The following CNTNAP3B variants were observed in gnomAD, a reference collection of about 807,000 sequenced individuals.
CNTNAP3B encodes contactin-associated protein-like 3B.
CNTNAP3B carries 25 observed loss-of-function variants against 108.9 expected under a neutral mutation model. The observed-to-expected ratio is 0.23, with a 90% CI of 0.17 to 0.32. The LOEUF (loss-of-function observed/expected upper bound fraction) is 0.32. Ranked by LOEUF, CNTNAP3B falls within the 10% of genes least tolerant of loss-of-function variation. The pLI is 1.00. For missense variants in CNTNAP3B, 252 were observed against 1,210.4 expected (o/e 0.21, Z 11.75); for synonymous variants, 103 against 473.4 (o/e 0.22, Z 10.16).
At chr9:41,962,405 T>G (rs1182029574) in intron 11 of CNTNAP3B, among the ~76,000 whole-genome samples, 1 of 152,216 alleles carries the variant, frequency 6.6e-6, no homozygotes, top group Non-Finnish European at 1.5e-5. Context: ...AGTTATATTT[T>G]GATTGCAGTG....
intron 3 of CNTNAP3B, among the ~76,000 whole-genome samples, chr9:42,076,276 A>AAT (rs775231380): frequency 8.3e-6 from 1 of 121,050 alleles, no homozygotes; most frequent in African/African-American, 3.5e-5. Flanking sequence ...AAAAAAAAAA[A>AAT]TTAGCCAAGT....
Position 42,011,777 on chromosome 9 carries a change from A to G in CNTNAP3B, c.538+1601T>C. On this transcript the variant is annotated intron_variant, in intron 4 of 23. Transcript: ENST00000377561. ...CTACCATTATTAACATAAGTCATAAAGGGTTGTATTACTGTCAACAACAAA... is the reference window on the plus strand; with the variant it reads ...CTACCATTATTAACATAAGTCATAAGGGGTTGTATTACTGTCAACAACAAA... 2.2e-5 allele frequency among the ~76,000 whole-genome samples: 2 copies of G among 91,966 alleles called. 1 individual carries two copies. The highest frequency in any genetic ancestry group is 2.3e-4 in the Admixed American group (2 of 8,868). The allele number at this position is 91,966 out of a possible 152,430, so 60.3% of individuals were successfully genotyped here.
chr9:42,015,490 A>G (rs1826202677), intron 3 of CNTNAP3B, among the ~76,000 whole-genome samples: 1 of 89,776 alleles, frequency 1.1e-5, no homozygotes, highest in African/African-American at 4.3e-5. Flanking sequence ...AAAATAAGCC[A>G]TATCCCAGCT....
rs1271384650 is a variant in CNTNAP3B at position 41,998,423 on chromosome 9, C to CTTTCCTTTA, written c.711_719dup (p.Gly239_Lys240insAsnLysGly). The CTTTCCTTTA allele has an allele frequency of 1.2e-6, 2 of 1,613,480 alleles. No homozygotes were observed. The highest frequency in any genetic ancestry group is 2.7e-5 in the African/African-American group (2 of 74,786). Reference sequence around the variant, plus strand: ...TACCTGAATTAAGAAAAAAGACAAGCTTTCCTTTAATTAATTCCAGAGTAA... The same window carrying CTTTCCTTTA: ...TACCTGAATTAAGAAAAAAGACAAGCTTTCCTTTATTTCCTTTAATTAATTCCAGAGTAA... On this transcript the variant is annotated inframe_insertion, in exon 5 of 24. Coordinates refer to ENST00000377561, the MANE Select transcript of CNTNAP3B (RefSeq NM_001201380.3).
At chr9:42,054,189 ACT>A (rs1827012976) in intron 3 of CNTNAP3B, among the ~76,000 whole-genome samples, 1 of 86,544 alleles carries the variant, frequency 1.2e-5, no homozygotes, top group Non-Finnish European at 2.4e-5. Context: ...GTTTGCACAC[ACT>A]CATAAAATCT....
intron 15 of CNTNAP3B, among the ~76,000 whole-genome samples, chr9:41,925,453 C>T (rs1286128326): frequency 1.3e-5 from 2 of 152,148 alleles, no homozygotes; most frequent in African/African-American, 4.8e-5. Flanking sequence ...ATTAGCCAGG[C>T]ATGGTGGTGG....
chr9:42,124,792 A>G lies in CNTNAP3B; in HGVS notation c.85+4218T>C, dbSNP rs1448170557. ...ATGGAGAACAATCCCAGTGCCAATT[A>G]CATCTTTGTCATTCAGAAATCCAGG... On this transcript the variant is annotated intron_variant, in intron 1 of 23. Coordinates refer to ENST00000377561, the MANE Select transcript of CNTNAP3B (RefSeq NM_001201380.3). 2.3e-4 allele frequency among the ~76,000 whole-genome samples: 30 copies of G among 131,270 alleles called. 4 individuals are homozygous for G. The highest frequency in any genetic ancestry group is 9.3e-4 in the African/African-American group (30 of 32,366). The allele number at this position is 131,270 out of a possible 152,430, so 86.1% of individuals were successfully genotyped here.
intron 3 of CNTNAP3B, among the ~76,000 whole-genome samples, chr9:42,061,721 GT>G (rs1827183342): frequency 1.1e-5 from 1 of 93,202 alleles, no homozygotes; most frequent in Non-Finnish European, 2.2e-5. Flanking sequence ...GACTTGTTTT[GT>G]GGCCTAACAT....
rs1465079073 is a variant in CNTNAP3B, at chr9:42,030,804, A to ACAGAGAG, written c.391-17280_391-17279insCTCTCTG. ...AGAGAGATGTGTGCGAGAGAGAGAG[A>ACAGAGAG]GAGAGAGAGGAGAGAGAGAGAGAGA... On this transcript the variant is annotated intron_variant, in intron 3 of 23. Transcript: ENST00000377561. Among the ~76,000 whole-genome samples, 362 of 67,568 alleles carry ACAGAGAG rather than the reference A, an allele frequency of 5.4e-3. 18 individuals carry two copies. The highest frequency in any genetic ancestry group is 8.8e-3 in the South Asian group (16 of 1,824). The allele number at this position is 67,568 out of a possible 152,430, so 44.3% of individuals were successfully genotyped here. A position where few individuals can be genotyped will look rare whatever the true frequency, so the allele number is the denominator to read the frequency against.
At chr9:41,923,517 T>G (rs1381068516) in intron 16 of CNTNAP3B, among the ~76,000 whole-genome samples, 1 of 152,394 alleles carries the variant, frequency 6.6e-6, no homozygotes, top group East Asian at 1.9e-4. Flanking sequence ...ATCCCAGCAC[T>G]TTGGGAACCC....
intron 3 of CNTNAP3B, among the ~76,000 whole-genome samples, chr9:42,054,060 C>G (rs1466040310): frequency 6.6e-6 from 1 of 151,464 alleles, no homozygotes; most frequent in Non-Finnish European, 1.5e-5. Flanking sequence ...CTTTAGAGCA[C>G]AATAAAATAT....
At chr9:41,928,176 C>T (rs1213674904) in intron 15 of CNTNAP3B, among the ~76,000 whole-genome samples, 75 of 152,318 alleles carry the variant, frequency 4.9e-4, no homozygotes, top group African/African-American at 1.8e-3. Context: ...TTTAGCTTGC[C>T]ACAGATTAAT....
In CNTNAP3B at chr9:41,925,364, C is replaced by A. The variant is rs894100211; in HGVS notation, c.2366-1271G>T. Among the ~76,000 whole-genome samples, 93 of 152,166 alleles carry A rather than the reference C, an allele frequency of 6.1e-4. No homozygotes were observed. In the East Asian group the frequency reaches 0.017, roughly 28 times the overall value. On this transcript the variant is annotated intron_variant, in intron 15 of 23. Coordinates refer to ENST00000377561, the MANE Select transcript of CNTNAP3B (RefSeq NM_001201380.3). ...ATCCCAGCAGTTTGGGAGGCCAAGG[C>A]GGACGGATCATGAGGTCAGGAGATC... is the stretch of plus-strand genomic sequence containing the variant.
chr9:42,051,729 TA>T (rs1826963553), intron 3 of CNTNAP3B, among the ~76,000 whole-genome samples: 1 of 149,630 alleles, frequency 6.7e-6, no homozygotes, highest in Admixed American at 6.7e-5. Flanking sequence ...TAACTTTTTT[TA>T]TTATTTTGGA....
chr9:41,934,191 A>AC (rs1824080671), intron 14 of CNTNAP3B, among the ~76,000 whole-genome samples: 1 of 140,040 alleles, frequency 7.1e-6, no homozygotes, highest in African/African-American at 3.1e-5. Context: ...ACACACACAT[A>AC]TATATATACA....
chr9:42,036,351 T>C, intron 3 of CNTNAP3B, among the ~76,000 whole-genome samples: 1 of 141,028 alleles, frequency 7.1e-6, no homozygotes, highest in African/African-American at 2.8e-5. Context: ...TAACATTATA[T>C]TCACACGTAT....
At chr9:42,116,732 T>C (rs1187433844) in intron 1 of CNTNAP3B, among the ~76,000 whole-genome samples, 1 of 139,302 alleles carries the variant, frequency 7.2e-6, no homozygotes, top group Non-Finnish European at 1.5e-5. Flanking sequence ...GAGTGGCAAA[T>C]TGGATAAAGA....
chr9:42,085,936 T>C (rs1485417442), intron 2 of CNTNAP3B, among the ~76,000 whole-genome samples: 3 of 145,154 alleles, frequency 2.1e-5, no homozygotes, highest in East Asian at 4.0e-4. Context: ...ATATGCCACA[T>C]TGTGGTTATC....
chr9:42,110,398 C>T (rs1287021709), intron 1 of CNTNAP3B, among the ~76,000 whole-genome samples: 2 of 136,762 alleles, frequency 1.5e-5, no homozygotes, highest in Non-Finnish European at 3.1e-5. Context: ...GGGGAAGGGG[C>T]CACCGAACTG....
Sources: allele counts gnomAD v4.1 joint callset (sites outside exome capture counted in the v4.1 genomes callset), GRCh38; gene constraint gnomAD v4.1.1; transcripts MANE v1.5; gene names NCBI Gene and HGNC (gene_info 2026-07-23, HGNC 2026-07-21).